ROR1: variants seen among roughly 807,000 people sequenced by gnomAD.
The protein encoded by ROR1 is ROR family WNT receptor 1.
Under a neutral mutation model 78.8 loss-of-function variants are expected in ROR1, and 19 were observed. That is an observed-to-expected ratio of 0.24 (90% CI 0.17 to 0.35). The LOEUF is 0.35. ROR1 is among the 10% of genes least tolerant of loss of function. The pLI, the probability that ROR1 is intolerant of heterozygous loss-of-function variation, is 1.00. For missense variants in ROR1, 917 were observed against 1,177.8 expected (o/e 0.78, Z 3.24); for synonymous variants, 386 against 433.6 (o/e 0.89, Z 1.36).
At chr1:63,989,083 C>T (rs1646273779) in intron 1 of ROR1, among the ~76,000 whole-genome samples, 1 of 151,042 alleles carries the variant, frequency 6.6e-6, no homozygotes, top group South Asian at 2.1e-4. Context: ...TCCACAGTGG[C>T]TGTACCATTT....
intron 1 of ROR1, among the ~76,000 whole-genome samples, chr1:63,834,848 G>A (rs1328522334): frequency 6.6e-6 from 1 of 152,048 alleles, no homozygotes; most frequent in Non-Finnish European, 1.5e-5. Context: ...GAAGGAATTG[G>A]TCTGCACTGC....
intron 1 of ROR1, among the ~76,000 whole-genome samples, chr1:63,925,294 G>A (rs1403223988): frequency 6.6e-6 from 1 of 150,514 alleles, no homozygotes; most frequent in Admixed American, 6.6e-5. Flanking sequence ...ATAGTTTACT[G>A]AGAATGATGA....
intron 8 of ROR1, among the ~76,000 whole-genome samples, chr1:64,167,020 G>C (rs902558046): frequency 5.3e-5 from 8 of 152,204 alleles, no homozygotes; most frequent in Admixed American, 1.3e-4. Context: ...ATTTAAGTCT[G>C]ATTTTTAGGA....
chr1:64,051,961 G>A (rs1646836622), intron 4 of ROR1, among the ~76,000 whole-genome samples: 1 of 152,200 alleles, frequency 6.6e-6, no homozygotes, highest in Non-Finnish European at 1.5e-5. Context: ...AGGCCCAGTG[G>A]CCCACAATCC....
chr1:64,164,962 G>T (rs1557681039), intron 8 of ROR1, among the ~76,000 whole-genome samples: 1 of 152,310 alleles, frequency 6.6e-6, no homozygotes, highest in East Asian at 1.9e-4. Flanking sequence ...GTATTCCATG[G>T]AGTATATTGT....
intron 8 of ROR1, among the ~76,000 whole-genome samples, chr1:64,170,499 C>G (rs1363823421): frequency 1.3e-5 from 2 of 152,146 alleles, no homozygotes; most frequent in Non-Finnish European, 2.9e-5. Flanking sequence ...CCTCCTAAAC[C>G]TCTGGGTGAT....
chr1:63,800,813 G>A (rs1644792442), intron 1 of ROR1, among the ~76,000 whole-genome samples: 1 of 152,176 alleles, frequency 6.6e-6, no homozygotes, highest in Non-Finnish European at 1.5e-5. Context: ...CTTGAGACTC[G>A]ATAGTCTGGA....
chr1:63,921,864 A>G (rs1157653376), intron 1 of ROR1, among the ~76,000 whole-genome samples: 2 of 152,210 alleles, frequency 1.3e-5, no homozygotes, highest in African/African-American at 4.8e-5. Flanking sequence ...CAGGATGCAC[A>G]AAAGCTCTTG....
At chr1:64,028,071 C>T (rs1646628727) in intron 2 of ROR1, among the ~76,000 whole-genome samples, 2 of 152,128 alleles carry the variant, frequency 1.3e-5, no homozygotes, top group African/African-American at 4.8e-5. Context: ...TATACCTTGT[C>T]TTGTTGCCAG....
chr1:64,169,596 A>G (rs1650182071), intron 8 of ROR1, among the ~76,000 whole-genome samples: 2 of 152,092 alleles, frequency 1.3e-5, no homozygotes, highest in African/African-American at 2.4e-5. Context: ...GTCCCTTTCA[A>G]ATCTCATTTC....
chr1:63,955,176 G>C (rs1419596201), intron 1 of ROR1, among the ~76,000 whole-genome samples: 2 of 152,182 alleles, frequency 1.3e-5, no homozygotes, highest in African/African-American at 4.8e-5. Context: ...AACTCCAAGG[G>C]CCAGCCAGGT....
intron 1 of ROR1, among the ~76,000 whole-genome samples, chr1:63,976,473 C>T (rs1646161668): frequency 1.3e-5 from 2 of 152,124 alleles, no homozygotes; most frequent in Non-Finnish European, 2.9e-5. Context: ...CAGGTAATGC[C>T]AGAGAAACAT....
intron 1 of ROR1, among the ~76,000 whole-genome samples, chr1:63,957,067 G>A (rs1421516695): frequency 6.6e-6 from 1 of 152,214 alleles, no homozygotes; most frequent in Non-Finnish European, 1.5e-5. Context: ...GGCGTCTTGG[G>A]CTGGTGTCTG....
At chr1:63,889,682 G>C (rs536700965) in intron 1 of ROR1, among the ~76,000 whole-genome samples, 1 of 152,150 alleles carries the variant, frequency 6.6e-6, no homozygotes, top group Non-Finnish European at 1.5e-5. Flanking sequence ...ATTCATTTCA[G>C]ATTCATGATG....
In ROR1 at chr1:63,774,296, G is replaced by C. The variant is rs1325034618; in HGVS notation, c.-122G>C. 8.1e-4 allele frequency: 396 copies of C among 489,820 alleles called. 1 individual carries two copies. Among genetic ancestry groups the C allele is most frequent in the Non-Finnish European group, 2.5e-4 (77 of 308,430 alleles). 30.3% of individuals were successfully genotyped at this position (489,820 alleles called of 1,614,324 possible). On this transcript the variant is annotated 5_prime_UTR_variant, in exon 1 of 9. Coordinates refer to ENST00000371079, the MANE Select transcript of ROR1 (RefSeq NM_005012.4). The surrounding 1 kb of genome is among the most constrained non-coding windows in gnomAD (Gnocchi z 5.7). ...TAGAGGGACAAAGAGCTTTGCAGAC[G>C]TCCCCGGCGTCCTGCGAGCGCCAGC...
chr1:63,978,886 T>G (rs1646184974), intron 1 of ROR1, among the ~76,000 whole-genome samples: 1 of 152,188 alleles, frequency 6.6e-6, no homozygotes, highest in Non-Finnish European at 1.5e-5. Flanking sequence ...GCTGGCAGGT[T>G]GGAGACCAGG....
Position 64,107,254 on chromosome 1 carries a change from G to T in ROR1, c.483-30115G>T, listed in dbSNP as rs1337085528. 2.6e-5 allele frequency among the ~76,000 whole-genome samples: 4 copies of T among 152,206 alleles called. No individual in the cohort carries two copies. The East Asian group carries it at 5.8e-4, about 22-fold the overall frequency. ...GACAAAAGTGAGGCACTGAGAGGTT[G>T]TGTAATTTACTTGAGTGCAGGTGGT... On this transcript the variant is annotated intron_variant, in intron 4 of 8. Transcript: ENST00000371079.
intron 1 of ROR1, among the ~76,000 whole-genome samples, chr1:63,907,971 G>T (rs1645541591): frequency 6.6e-6 from 1 of 151,962 alleles, no homozygotes; most frequent in African/African-American, 2.4e-5. Context: ...ATATTATTCT[G>T]CATCTGAAAC....
chr1:63,874,248 G>A (rs1645269429), intron 1 of ROR1, among the ~76,000 whole-genome samples: 1 of 152,140 alleles, frequency 6.6e-6, no homozygotes, highest in Non-Finnish European at 1.5e-5. Context: ...TATTTTCAAA[G>A]TGTGGTATGT....
Sources: allele counts gnomAD v4.1 joint callset (sites outside exome capture counted in the v4.1 genomes callset), GRCh38; gene constraint gnomAD v4.1.1; non-coding constraint Gnocchi (gnomAD v3.1); transcripts MANE v1.5; gene names NCBI Gene and HGNC (gene_info 2026-07-23, HGNC 2026-07-21).